Variants in FBXW10 observed in about 807,000 individuals in gnomAD.
FBXW10 encodes F-box/WD repeat-containing protein 10.
In FBXW10, 68 loss-of-function variants were observed where a neutral mutation model predicts 113.1. The observed-to-expected ratio is 0.60, with a 90% CI of 0.49 to 0.74. The LOEUF (loss-of-function observed/expected upper bound fraction) is 0.74, where lower values mean the gene tolerates loss of function less well. Among genes scored for constraint, FBXW10 ranks in the 30% least tolerant of loss-of-function variants. The pLI, the probability that FBXW10 is intolerant of heterozygous loss-of-function variation, is 0.00. For missense variants in FBXW10, 753 were observed against 1,284.5 expected (o/e 0.59, Z 6.32); for synonymous variants, 289 against 481.6 (o/e 0.60, Z 5.24).
chr17:18,745,964 G>A (rs1266538380), intron 1 of FBXW10, among the ~76,000 whole-genome samples: 1 of 152,214 alleles, frequency 6.6e-6, no homozygotes, highest in Non-Finnish European at 1.5e-5. Flanking sequence ...TCTGAAGACT[G>A]TACCAGAAGC....
At chr17:18,748,193 G>A (rs2035080866) in intron 2 of FBXW10, 88 bp downstream of exon 2, 2 of 1,573,640 alleles carry the variant, frequency 1.3e-6, no homozygotes, top group Non-Finnish European at 1.7e-6. Context: ...GCCGAGGCAA[G>A]CAGATCATGA....
chr17:18,773,338 C>A (rs1338408221), intron 12 of FBXW10, among the ~76,000 whole-genome samples: 5 of 152,122 alleles, frequency 3.3e-5, no homozygotes, highest in Non-Finnish European at 5.9e-5. Context: ...ACCCCCACCC[C>A]CCAAATTCAA....
intron 13 of FBXW10, among the ~76,000 whole-genome samples, chr17:18,776,745 G>T (rs1253785551): frequency 6.6e-6 from 1 of 152,178 alleles, no homozygotes; most frequent in Non-Finnish European, 1.5e-5. Flanking sequence ...CTGGCATTTT[G>T]TAGTTGCTTG....
chr17:18,747,329 G>A (rs1201792174), intron 1 of FBXW10, among the ~76,000 whole-genome samples: 1 of 152,158 alleles, frequency 6.6e-6, no homozygotes, highest in African/African-American at 2.4e-5. Context: ...TGGAGGCCGA[G>A]GCGGGTGGAT....
intron 10 of FBXW10, among the ~76,000 whole-genome samples, chr17:18,768,934 ATTTTTTT>A (rs59007149): frequency 2.6e-5 from 3 of 114,392 alleles, no homozygotes; most frequent in Admixed American, 2.1e-4. Context: ...GAAGTTATTG[ATTTTTTT>A]TTTTTTTTTT....
chr17:18,748,818 G>A (rs1287333825), intron 2 of FBXW10, among the ~76,000 whole-genome samples: 1 of 152,116 alleles, frequency 6.6e-6, no homozygotes, highest in Non-Finnish European at 1.5e-5. Flanking sequence ...CCCACCAATG[G>A]CTATTTTTGC....
chr17:18,747,010 C>T (rs376761725), intron 1 of FBXW10, among the ~76,000 whole-genome samples: 12 of 151,348 alleles, frequency 7.9e-5, no homozygotes, highest in East Asian at 2.0e-4. Context: ...CTGCAAGCTC[C>T]GCCTCCCGGG....
intron 10 of FBXW10, 114 bp downstream of exon 10, chr17:18,768,790 C>T (rs542715440): frequency 1.2e-5 from 13 of 1,057,784 alleles, no homozygotes; most frequent in Admixed American, 7.0e-5. Context: ...GTGTTCTCTG[C>T]ACCTCACCCT....
intron 7 of FBXW10, among the ~76,000 whole-genome samples, chr17:18,761,926 T>C (rs1397508070): frequency 1.3e-5 from 2 of 152,314 alleles, no homozygotes; most frequent in East Asian, 3.9e-4. Flanking sequence ...TTATTAGTTG[T>C]AAAAGCATGT....
intron 5 of FBXW10, among the ~76,000 whole-genome samples, chr17:18,755,652 T>C (rs2035247083): frequency 6.6e-6 from 1 of 152,176 alleles, no homozygotes; most frequent in Non-Finnish European, 1.5e-5. Flanking sequence ...CACGTAGATG[T>C]AATATACATA....
intron 9 of FBXW10, among the ~76,000 whole-genome samples, chr17:18,768,045 T>TCCTTCCTTCCTA (rs2035535250): frequency 6.7e-6 from 1 of 149,636 alleles, no homozygotes; most frequent in African/African-American, 2.5e-5. Context: ...CTTCCTTCCT[T>TCCTTCCTTCCTA]CCTTCCTTCT....
chr17:18,768,344 G>T (rs1400945024), intron 9 of FBXW10, among the ~76,000 whole-genome samples, 190 bp from the exon 10 acceptor site: 1 of 152,134 alleles, frequency 6.6e-6, no homozygotes, highest in Non-Finnish European at 1.5e-5. Flanking sequence ...AGGATTACAG[G>T]CATGAGCCAC....
chr17:18,778,134 T>C (rs1475115210), intron 13 of FBXW10, among the ~76,000 whole-genome samples: 4 of 151,968 alleles, frequency 2.6e-5, no homozygotes, highest in Admixed American at 2.6e-4. Context: ...ACGCCTGTAG[T>C]CTCAGCTACT....
intron 8 of FBXW10, among the ~76,000 whole-genome samples, chr17:18,765,607 T>G (rs1269415014): frequency 2.6e-5 from 4 of 152,166 alleles, no homozygotes; most frequent in Admixed American, 2.0e-4. Context: ...CAACTCTGGT[T>G]GTTGTTATAT....
chr17:18,762,165 C>A (rs1268187921), intron 7 of FBXW10, among the ~76,000 whole-genome samples: 1 of 150,522 alleles, frequency 6.6e-6, no homozygotes, highest in African/African-American at 2.4e-5. Flanking sequence ...GGTTTCACTG[C>A]GTTAGCCAGG....
intron 10 of FBXW10, 129 bp from the exon 11 acceptor site, chr17:18,769,798 A>G: frequency 1.0e-6 from 1 of 996,876 alleles, no homozygotes. Context: ...AAAAAAAGAC[A>G]GCAAACACCA....
In FBXW10 at chr17:18,768,669, C is replaced by T; in HGVS notation, c.1840C>T (p.His614Tyr). 2.5e-6 allele frequency: 4 copies of T among 1,613,842 alleles called. No individual in the cohort carries two copies. Among genetic ancestry groups the T allele is most frequent in the Non-Finnish European group, 3.4e-6 (4 of 1,179,852 alleles). ...KYERCLMAFKHPKEVLDVSLL... is the reference protein window; with the variant it reads ...KYERCLMAFKYPKEVLDVSLL... ...CGAGCGCTGCCTGATGGCCTTCAAG[C>T]ATCCCAAGTAGGTGCCTGTGAAGCC... is the stretch of plus-strand genomic sequence containing the variant. The change falls in exon 10 of 14, where the codon CAT becomes TAT. Residue 614 changes from histidine to tyrosine, a missense_variant. His to Tyr is a moderately conservative substitution (Grantham distance 83). Transcript: ENST00000395665.
At chr17:18,773,757 T>C (rs1235068225) in intron 12 of FBXW10, among the ~76,000 whole-genome samples, 1 of 151,892 alleles carries the variant, frequency 6.6e-6, no homozygotes, top group Non-Finnish European at 1.5e-5. Context: ...GAAAAGTGGG[T>C]GGGAGGGGGA....
chr17:18,776,981 CT>C (rs1455417373), intron 13 of FBXW10, among the ~76,000 whole-genome samples: 1 of 150,970 alleles, frequency 6.6e-6, no homozygotes, highest in Non-Finnish European at 1.5e-5. Context: ...ATCACAATTC[CT>C]TTTTTTATAA....
Sources: gnomAD v4.1 joint callset for allele counts (sites outside exome capture counted in the v4.1 genomes callset) on GRCh38, gnomAD v4.1.1 for gene constraint, MANE v1.5 for transcripts, NCBI Gene and HGNC (gene_info 2026-07-23, HGNC 2026-07-21) for gene names.